PTPRJ: variants seen among roughly 807,000 people sequenced by gnomAD.
PTPRJ encodes protein tyrosine phosphatase receptor type J, also known as receptor-type tyrosine-protein phosphatase eta.
Under a neutral mutation model 141.3 loss-of-function variants are expected in PTPRJ, and 129 were observed. The ratio of observed to expected loss-of-function variants is 0.91; its 90% confidence interval spans 0.79 to 1.06. The LOEUF is 1.06. Among genes scored for constraint, PTPRJ ranks in the 50% least tolerant of loss-of-function variants. PTPRJ has a pLI of 0.00. For synonymous variants in PTPRJ, 610 were observed against 640.5 expected, an observed-to-expected ratio of 0.95 and a Z score of 0.72; for missense variants, 1,601 against 1,679.7, an observed-to-expected ratio of 0.95 and a Z score of 0.82.
At chr11:47,993,139 C>T (rs980673943) in intron 1 of PTPRJ, among the ~76,000 whole-genome samples, 4 of 152,102 alleles carry the variant, frequency 2.6e-5, no homozygotes, top group African/African-American at 7.2e-5. Flanking sequence ...GGAAGTGGGC[C>T]GACTGAAAGC....
chr11:48,032,522 G>A (rs1854009883), intron 1 of PTPRJ, among the ~76,000 whole-genome samples: 2 of 152,194 alleles, frequency 1.3e-5, no homozygotes, highest in East Asian at 1.9e-4. Context: ...GGGAGGTGGA[G>A]GCAGAGGTGG....
chr11:48,122,633 G>A lies in PTPRJ; in HGVS notation c.617-980G>A, dbSNP rs534221026. 9.8e-5 allele frequency among the ~76,000 whole-genome samples: 15 copies of A among 152,336 alleles called. No individual in the cohort carries two copies. The South Asian group carries it at 3.1e-3, about 32-fold the overall frequency. On this transcript the variant is annotated intron_variant, in intron 4 of 24. Coordinates refer to ENST00000418331, the MANE Select transcript of PTPRJ (RefSeq NM_002843.4). ...GAGTCTAACTCTAGACCACTGTGGTGCAGTGATGTTCATAACAGCTATCCA... is the reference window on the plus strand; with the variant it reads ...GAGTCTAACTCTAGACCACTGTGGTACAGTGATGTTCATAACAGCTATCCA...
Position 48,054,060 on chromosome 11 carries a change from G to A in PTPRJ, c.97-55998G>A, listed in dbSNP as rs552962379. The stretch of plus-strand genomic sequence containing the variant: ...TAGTTCTCCTGGCTCAGCCTCCCGA[G>A]TAGCTGGGATTACAGGTGCCTGCCA... On this transcript the variant is annotated intron_variant, in intron 1 of 24. Transcript: ENST00000418331. 9.3e-5 allele frequency among the ~76,000 whole-genome samples: 14 copies of A among 150,928 alleles called. No individual in the cohort carries two copies. The South Asian group carries it at 2.3e-3, about 25-fold the overall frequency.
chr11:48,155,821 C>T lies in PTPRJ; in HGVS notation c.3250C>T (p.Leu1084Phe), dbSNP rs1225058866. The change falls in exon 20 of 25, where the codon CTT becomes TTT. Residue 1084 changes from leucine (L) to phenylalanine (F), a missense_variant. By Grantham distance (22) the Leu-to-Phe change is conservative. Transcript: ENST00000418331. Reference protein sequence around the residue: ...VLPYDISRVKLSVQTHSTDDY... With the variant: ...VLPYDISRVKFSVQTHSTDDY... ...CACAGATGATATTTCCCGTGTCAAA[C>T]TTTCGGTCCAGACCCATTCAACGGA... The T allele has an allele frequency of 1.9e-6, 3 of 1,604,766 alleles. No individual in the cohort carries two copies. The highest frequency in any genetic ancestry group is 2.2e-5 in the East Asian group (1 of 44,824).
At chr11:48,022,347 C>G (rs1379108952) in intron 1 of PTPRJ, among the ~76,000 whole-genome samples, 2 of 151,886 alleles carry the variant, frequency 1.3e-5, no homozygotes, top group African/African-American at 2.4e-5. Context: ...GCCTGTAATC[C>G]CAGTTACTCA....
intron 1 of PTPRJ, among the ~76,000 whole-genome samples, chr11:47,984,858 CTTTTTT>C (rs1300424461): frequency 7.2e-6 from 1 of 138,246 alleles, no homozygotes; most frequent in African/African-American, 2.7e-5. Flanking sequence ...TGTGCCCGGC[CTTTTTT>C]TTTTTTTGAG....
chr11:48,132,419 C>T (rs535381795), intron 8 of PTPRJ: 14 of 982,154 alleles, frequency 1.4e-5, no homozygotes, highest in Non-Finnish European at 1.5e-5. Context: ...ATTTCTAGGC[C>T]TACAGGAGAA....
intron 3 of PTPRJ, among the ~76,000 whole-genome samples, chr11:48,114,783 G>A (rs1215055950): frequency 6.6e-6 from 1 of 152,126 alleles, no homozygotes; most frequent in African/African-American, 2.4e-5. Context: ...TTTTAAGGAA[G>A]CCTAGCAAAC....
At chr11:48,008,344 T>G (rs1460885406) in intron 1 of PTPRJ, among the ~76,000 whole-genome samples, 1 of 152,166 alleles carries the variant, frequency 6.6e-6, no homozygotes, top group Admixed American at 6.5e-5. Context: ...CACTGCAACC[T>G]CCGCCTCCTG....
chr11:48,066,814 G>A (rs761634369), intron 1 of PTPRJ, among the ~76,000 whole-genome samples: 2 of 152,176 alleles, frequency 1.3e-5, no homozygotes, highest in African/African-American at 2.4e-5. Context: ...TGGAACTCCT[G>A]ACCTCAGGTG....
intron 11 of PTPRJ, among the ~76,000 whole-genome samples, chr11:48,140,276 C>G (rs984801593): frequency 1.3e-5 from 2 of 152,180 alleles, no homozygotes; most frequent in Non-Finnish European, 2.9e-5. Flanking sequence ...GTGATCCACC[C>G]GCCTTGGCCT....
chr11:48,103,041 G>A (rs1172049882), intron 1 of PTPRJ, among the ~76,000 whole-genome samples: 4 of 152,200 alleles, frequency 2.6e-5, no homozygotes, highest in Non-Finnish European at 4.4e-5. Context: ...AAGTCAAAGG[G>A]TAGGTAGATC....
chr11:48,096,269 C>A (rs182352998), intron 1 of PTPRJ, among the ~76,000 whole-genome samples: 6 of 152,090 alleles, frequency 3.9e-5, no homozygotes, highest in Admixed American at 1.3e-4. Context: ...ATCTGCCAGG[C>A]GCTGGGGGTG....
intron 1 of PTPRJ, among the ~76,000 whole-genome samples, chr11:47,994,865 A>G (rs1590389443): frequency 6.6e-6 from 1 of 151,412 alleles, no homozygotes; most frequent in East Asian, 1.9e-4. Flanking sequence ...TTGCATCAGG[A>G]TTTTTTTTTC....
chr11:48,068,364 T>TG (rs1299259531), intron 1 of PTPRJ, among the ~76,000 whole-genome samples: 7 of 152,184 alleles, frequency 4.6e-5, no homozygotes, highest in Middle Eastern at 3.4e-3. Context: ...GATAATTGAA[T>TG]GGGGGGGTGG....
chr11:48,043,587 G>A lies in PTPRJ; in HGVS notation c.96+62579G>A, dbSNP rs557749677. Among the ~76,000 whole-genome samples, 5 of 152,234 alleles carry A rather than the reference G, an allele frequency of 3.3e-5. No homozygotes were observed. In the South Asian group the frequency reaches 6.2e-4, roughly 19 times the overall value. On this transcript the variant is annotated intron_variant, in intron 1 of 24. Transcript: ENST00000418331. The stretch of plus-strand genomic sequence containing the variant: ...GTGCCACCTGTATAAGACAGCAGAC[G>A]GTCAAAGCAGAAGAGGGAAGGAAAT...
intron 6 of PTPRJ, among the ~76,000 whole-genome samples, chr11:48,127,391 T>G (rs1856864471): frequency 1.3e-5 from 2 of 152,246 alleles, no homozygotes; most frequent in South Asian, 4.1e-4. Flanking sequence ...TGCCTCGTCC[T>G]GACTTCTGTG....
intron 1 of PTPRJ, among the ~76,000 whole-genome samples, chr11:48,004,181 C>T (rs1729286): frequency 0.066 from 10,117 of 152,232 alleles, 1,088 homozygotes; most frequent in African/African-American, 0.23. Flanking sequence ...CAGCTGTCTA[C>T]ACATTCCTGG....
intron 1 of PTPRJ, among the ~76,000 whole-genome samples, chr11:48,088,252 A>G (rs1318999602): frequency 6.6e-6 from 1 of 152,202 alleles, no homozygotes; most frequent in Non-Finnish European, 1.5e-5. Flanking sequence ...TTTTCTTCTC[A>G]TCTAGAGCAC....
Sources: gnomAD v4.1 joint callset for allele counts (sites outside exome capture counted in the v4.1 genomes callset) on GRCh38, gnomAD v4.1.1 for gene constraint, MANE v1.5 for transcripts, NCBI Gene and HGNC (gene_info 2026-07-23, HGNC 2026-07-21) for gene names.